ADAMTS17: variants seen among roughly 807,000 people sequenced by gnomAD.
ADAMTS17 encodes A disintegrin and metalloproteinase with thrombospondin motifs 17.
In ADAMTS17, 113 loss-of-function variants were observed where a neutral mutation model predicts 141.5. That is an observed-to-expected ratio of 0.80 (90% CI 0.69 to 0.93). The LOEUF is 0.93. Among genes scored for constraint, ADAMTS17 ranks in the 40% least tolerant of loss-of-function variants. The probability of loss-of-function intolerance (pLI) is 0.00; values close to 1 mark genes in which losing one functional copy is unlikely to be tolerated. For synonymous variants in ADAMTS17, 768 were observed against 630.6 expected, an observed-to-expected ratio of 1.22 and a Z score of -3.27; for missense variants, 1,659 against 1,517.9, an observed-to-expected ratio of 1.09 and a Z score of -1.54.
intron 3 of ADAMTS17, among the ~76,000 whole-genome samples, chr15:100,315,239 TG>T (rs2045526598): frequency 6.6e-6 from 1 of 152,220 alleles, no homozygotes; most frequent in African/African-American, 2.4e-5. Context: ...GAGTCCACCG[TG>T]CAGGGGCACT....
intron 21 of ADAMTS17, among the ~76,000 whole-genome samples, chr15:99,975,560 T>C (rs929326329): frequency 2.6e-5 from 4 of 152,084 alleles, no homozygotes; most frequent in South Asian, 4.2e-4. Flanking sequence ...ACCTGGGGCA[T>C]GAACTGGTAA....
chr15:100,321,141 A>G (rs539974013), intron 3 of ADAMTS17, among the ~76,000 whole-genome samples: 1 of 152,348 alleles, frequency 6.6e-6, no homozygotes, highest in Non-Finnish European at 1.5e-5. Context: ...TCAATGAAGG[A>G]AACCTGATGC....
chr15:100,300,330 C>T (rs995459543), intron 3 of ADAMTS17, among the ~76,000 whole-genome samples: 1 of 152,116 alleles, frequency 6.6e-6, no homozygotes, highest in African/African-American at 2.4e-5. Flanking sequence ...TGGCCTAGAC[C>T]CATCATCAGA....
At chr15:100,238,414 T>G (rs373044973) in intron 7 of ADAMTS17, among the ~76,000 whole-genome samples, 1 of 152,200 alleles carries the variant, frequency 6.6e-6, no homozygotes, top group African/African-American at 2.4e-5. Flanking sequence ...GTGCCTTGAG[T>G]GTCCCCAGGG....
rs544820913 is a variant in ADAMTS17 at position 100,266,865 on chromosome 15, T to A, written c.790-4430A>T. 7.9e-5 allele frequency among the ~76,000 whole-genome samples: 12 copies of A among 152,246 alleles called. No individual in the cohort carries two copies. In the South Asian group the frequency reaches 2.5e-3, roughly 32 times the overall value. On this transcript the variant is annotated intron_variant, in intron 4 of 21. Transcript: ENST00000268070. Reference sequence around the variant, plus strand: ...AATGCTGTCTGTCGTTCCTACTGCATGAGCTCCGGAGGATGAGACCTCCGG... The same window carrying A: ...AATGCTGTCTGTCGTTCCTACTGCAAGAGCTCCGGAGGATGAGACCTCCGG...
In ADAMTS17 at chr15:100,281,362, C is replaced by G; in HGVS notation, c.656G>C (p.Trp219Ser). The G allele has an allele frequency of 6.2e-7, 1 of 1,612,670 alleles. No homozygotes were observed. The highest frequency in any genetic ancestry group is 1.3e-5 in the African/African-American group (1 of 75,062). ...KPTWGRPSRDWRERRNAIRLT... is the reference protein window; with the variant it reads ...KPTWGRPSRDSRERRNAIRLT... ...CCGGATAGCGTTCCTCCGCTCCCGC[C>G]AGTCCCGCGAAGGCCTGCCCCACGT... The change falls in exon 4 of 22, where the codon TGG becomes TCG. Residue 219 changes from tryptophan to serine, a missense_variant. Coordinates refer to ENST00000268070, the MANE Select transcript of ADAMTS17 (RefSeq NM_139057.4).
intron 18 of ADAMTS17, among the ~76,000 whole-genome samples, chr15:100,031,936 G>T (rs985840845): frequency 6.6e-6 from 1 of 152,106 alleles, no homozygotes; most frequent in African/African-American, 2.4e-5. Flanking sequence ...CGGGGAAGAG[G>T]AACAAGAAAA....
At chr15:100,308,414 C>A (rs929509238) in intron 3 of ADAMTS17, among the ~76,000 whole-genome samples, 8 of 152,208 alleles carry the variant, frequency 5.3e-5, no homozygotes, top group Admixed American at 4.6e-4. Flanking sequence ...CCATCGTTCA[C>A]TCGCTGGTAG....
chr15:100,158,601 T>A (rs529633359), intron 8 of ADAMTS17, among the ~76,000 whole-genome samples: 3 of 146,724 alleles, frequency 2.0e-5, no homozygotes, highest in Non-Finnish European at 3.0e-5. Flanking sequence ...TCCTCCTCCC[T>A]CCAGCCCCTG....
At chr15:100,132,244 C>A in intron 11 of ADAMTS17, 92 bp from the exon 12 acceptor site, 3 of 1,511,664 alleles carry the variant, frequency 2.0e-6, no homozygotes, top group Non-Finnish European at 1.8e-6. Context: ...CTGCCAAAAA[C>A]CCATTTGCTA....
intron 12 of ADAMTS17, chr15:100,126,436 A>G (rs2037738678): frequency 6.6e-6 from 1 of 152,250 alleles, no homozygotes; most frequent in Non-Finnish European, 1.5e-5. Context: ...TACTGGGGAA[A>G]AACAAGGCTG....
At chr15:100,277,186 A>T (rs958846567) in intron 4 of ADAMTS17, among the ~76,000 whole-genome samples, 2 of 152,064 alleles carry the variant, frequency 1.3e-5, no homozygotes, top group Non-Finnish European at 2.9e-5. Flanking sequence ...CTCAGGAAAC[A>T]TCTCAATCCA....
At chr15:100,184,873 C>A (rs77894823) in intron 8 of ADAMTS17, among the ~76,000 whole-genome samples, 1 of 152,188 alleles carries the variant, frequency 6.6e-6, no homozygotes, top group African/African-American at 2.4e-5. Flanking sequence ...TCCTGTCCCA[C>A]TGTGGCCTGG....
intron 18 of ADAMTS17, among the ~76,000 whole-genome samples, chr15:100,033,053 GA>G (rs1012302664): frequency 2.6e-5 from 4 of 151,892 alleles, no homozygotes; most frequent in East Asian, 1.9e-4. Flanking sequence ...TGTTTTGAGA[GA>G]AAAAAAATGG....
intron 7 of ADAMTS17, among the ~76,000 whole-genome samples, chr15:100,248,249 AAAG>A (rs1394951376): frequency 6.6e-6 from 1 of 152,182 alleles, no homozygotes; most frequent in Non-Finnish European, 1.5e-5. Context: ...CAAAGGGCAA[AAAG>A]AAGACTAGCT....
intron 15 of ADAMTS17, among the ~76,000 whole-genome samples, chr15:100,076,311 G>A (rs1049543550): frequency 1.3e-5 from 2 of 152,166 alleles, no homozygotes; most frequent in Non-Finnish European, 2.9e-5. Context: ...CCAAAGTGCT[G>A]GGGTTACAGG....
At chr15:100,115,901 A>G (rs905704067) in intron 13 of ADAMTS17, among the ~76,000 whole-genome samples, 1 of 152,130 alleles carries the variant, frequency 6.6e-6, no homozygotes, top group East Asian at 1.9e-4. Flanking sequence ...CTGTGAGTCA[A>G]CTGCTCTGGA....
At chr15:100,295,612 G>A (rs756474754) in intron 3 of ADAMTS17, among the ~76,000 whole-genome samples, 11 of 152,204 alleles carry the variant, frequency 7.2e-5, no homozygotes, top group East Asian at 5.8e-4. Flanking sequence ...CCTCCTTCAC[G>A]CTCTGTGATC....
chr15:100,099,371 T>C (rs907173998), intron 14 of ADAMTS17, among the ~76,000 whole-genome samples: 34 of 152,334 alleles, frequency 2.2e-4, no homozygotes, highest in African/African-American at 7.2e-5. Flanking sequence ...AAGCAACTTA[T>C]AATCTTGGCA....
Sources: gnomAD v4.1 joint callset for allele counts (sites outside exome capture counted in the v4.1 genomes callset) on GRCh38, gnomAD v4.1.1 for gene constraint, MANE v1.5 for transcripts, NCBI Gene and HGNC (gene_info 2026-07-23, HGNC 2026-07-21) for gene names.